PRKCE: variants seen among roughly 807,000 people sequenced by gnomAD.
PRKCE encodes the protein protein kinase C epsilon, also known as protein kinase C epsilon type.
Under a neutral mutation model 85.4 loss-of-function variants are expected in PRKCE, and 16 were observed. The observed-to-expected ratio is 0.19, with a 90% confidence interval of 0.13 to 0.28. The LOEUF (loss-of-function observed/expected upper bound fraction) is 0.28. Among genes scored for constraint, PRKCE ranks in the 10% least tolerant of loss-of-function variants. The pLI, the probability that PRKCE is intolerant of heterozygous loss-of-function variation, is 1.00. For missense variants in PRKCE, 573 were observed against 975.2 expected (o/e 0.59, Z 5.49); for synonymous variants, 388 against 371.5 (o/e 1.04, Z -0.51).
At chr2:45,953,407 T>C (rs2104353951) in intron 2 of PRKCE, among the ~76,000 whole-genome samples, 1 of 152,320 alleles carries the variant, frequency 6.6e-6, no homozygotes, top group South Asian at 2.1e-4. Flanking sequence ...CTTTTCAATT[T>C]GGATAGAACA....
intron 1 of PRKCE, among the ~76,000 whole-genome samples, chr2:45,732,195 G>T (rs1334692635): frequency 6.6e-6 from 1 of 152,116 alleles, no homozygotes; most frequent in Admixed American, 6.5e-5. Flanking sequence ...GAATATGGGG[G>T]CCCTGGACAT....
chr2:46,043,828 T>C (rs762439054), intron 10 of PRKCE, among the ~76,000 whole-genome samples: 1 of 152,246 alleles, frequency 6.6e-6, no homozygotes. Context: ...TCTGAAAACA[T>C]GAGTGTTTCT....
At chr2:45,672,328 A>G (rs989708528) in intron 1 of PRKCE, among the ~76,000 whole-genome samples, 1 of 151,606 alleles carries the variant, frequency 6.6e-6, no homozygotes, top group Admixed American at 6.6e-5. Context: ...CCATCCACCC[A>G]TCAATTCGTC....
intron 1 of PRKCE, among the ~76,000 whole-genome samples, chr2:45,806,970 C>T (rs2105231928): frequency 6.6e-6 from 1 of 152,272 alleles, no homozygotes; most frequent in South Asian, 2.1e-4. Flanking sequence ...GTGGGTAGAC[C>T]TCAGGAGGCT....
intron 2 of PRKCE, among the ~76,000 whole-genome samples, chr2:45,873,267 A>G (rs184648555): frequency 6.6e-6 from 1 of 152,292 alleles, no homozygotes; most frequent in East Asian, 1.9e-4. Flanking sequence ...CCAGAAACTG[A>G]GCAAAAGCAT....
chr2:45,664,868 T>C (rs939741575), intron 1 of PRKCE, among the ~76,000 whole-genome samples: 1 of 152,246 alleles, frequency 6.6e-6, no homozygotes, highest in African/African-American at 2.4e-5. Flanking sequence ...CCCATTTCTC[T>C]GGGCCAAAGC....
intron 1 of PRKCE, among the ~76,000 whole-genome samples, chr2:45,730,937 G>A (rs770535128): frequency 6.6e-6 from 1 of 152,206 alleles, no homozygotes; most frequent in Non-Finnish European, 1.5e-5. Context: ...CCTTTATGGA[G>A]CAATGATATT....
intron 1 of PRKCE, among the ~76,000 whole-genome samples, chr2:45,776,889 T>G (rs534517856): frequency 2.2e-4 from 33 of 152,352 alleles, no homozygotes; most frequent in African/African-American, 6.7e-4. Flanking sequence ...TTCTGATCTG[T>G]GTATCTTCTC....
intron 10 of PRKCE, among the ~76,000 whole-genome samples, chr2:46,064,952 G>T (rs1029492988): frequency 6.6e-6 from 1 of 152,144 alleles, no homozygotes; most frequent in Non-Finnish European, 1.5e-5. Context: ...TGTAGATGTG[G>T]CTCCCCATTT....
chr2:45,866,453 G>A (rs769822525), intron 2 of PRKCE, among the ~76,000 whole-genome samples: 4 of 152,082 alleles, frequency 2.6e-5, no homozygotes, highest in Non-Finnish European at 4.4e-5. Flanking sequence ...GACTACAGGC[G>A]CCGGCCACCA....
At chr2:45,885,993 A>AC (rs1695271289) in intron 2 of PRKCE, among the ~76,000 whole-genome samples, 1 of 152,216 alleles carries the variant, frequency 6.6e-6, no homozygotes, top group South Asian at 2.1e-4. Context: ...CCTCCCCAGA[A>AC]CGTGAATCTT....
chr2:45,677,340 T>TG (rs1558546027), intron 1 of PRKCE, among the ~76,000 whole-genome samples: 3 of 145,298 alleles, frequency 2.1e-5, no homozygotes, highest in African/African-American at 7.7e-5. Context: ...TGTTTTTTTT[T>TG]TTGTTGTTGT....
At chr2:45,811,157 A>G (rs1019385861) in intron 1 of PRKCE, among the ~76,000 whole-genome samples, 1 of 152,212 alleles carries the variant, frequency 6.6e-6, no homozygotes, top group African/African-American at 2.4e-5. Context: ...AGGGGAATAC[A>G]GATATTGCCA....
chr2:45,827,197 C>A (rs1030158195), intron 1 of PRKCE, among the ~76,000 whole-genome samples: 3 of 152,248 alleles, frequency 2.0e-5, no homozygotes, highest in Admixed American at 1.3e-4. Flanking sequence ...ACCTCCATGC[C>A]TTTGCATCTG....
intron 2 of PRKCE, among the ~76,000 whole-genome samples, chr2:45,917,709 C>G (rs541087934): frequency 6.6e-6 from 1 of 152,188 alleles, no homozygotes; most frequent in African/African-American, 2.4e-5. Flanking sequence ...GACTGGGCGC[C>G]GTGGAGCAGG....
intron 6 of PRKCE, among the ~76,000 whole-genome samples, chr2:45,993,893 G>T (rs1352016960): frequency 1.3e-5 from 2 of 152,100 alleles, no homozygotes; most frequent in African/African-American, 4.8e-5. Flanking sequence ...CTGCGCTGGA[G>T]TTTTCTTGTT....
chr2:45,747,497 A>G (rs563636957), intron 1 of PRKCE, among the ~76,000 whole-genome samples: 10 of 152,188 alleles, frequency 6.6e-5, no homozygotes, highest in Non-Finnish European at 1.3e-4. Flanking sequence ...TACTTAGCAT[A>G]ATGTCCTCAG....
intron 2 of PRKCE, among the ~76,000 whole-genome samples, chr2:45,899,338 A>C (rs892319359): frequency 2.6e-5 from 4 of 151,414 alleles, no homozygotes; most frequent in African/African-American, 9.7e-5. Context: ...GATGATTATA[A>C]TTGCCACTCC....
chr2:45,867,180 A>G (rs1168239405), intron 2 of PRKCE, among the ~76,000 whole-genome samples: 1 of 152,146 alleles, frequency 6.6e-6, no homozygotes. Context: ...CCAGACAGAA[A>G]AACAGTAGAA....
Sources: allele counts gnomAD v4.1 joint callset (sites outside exome capture counted in the v4.1 genomes callset), GRCh38; gene constraint gnomAD v4.1.1; transcripts MANE v1.5; gene names NCBI Gene and HGNC (gene_info 2026-07-23, HGNC 2026-07-21).